Variants in GBE1 observed in about 807,000 individuals in gnomAD.
The protein encoded by GBE1 is 1,4-alpha-glucan-branching enzyme.
A neutral mutation model predicts 88.8 loss-of-function variants in GBE1; 70 were observed. That is an observed-to-expected ratio of 0.79 (90% CI 0.65 to 0.96). The LOEUF is 0.96. GBE1 is among the 40% of genes least tolerant of loss of function. GBE1 has a pLI of 0.00. For synonymous variants in GBE1, 284 were observed against 300.1 expected (o/e 0.95, Z 0.56); for missense variants, 872 against 871.0 (o/e 1.00, Z -0.01).
At chr3:81,569,185 GT>G (rs972525298) in intron 12 of GBE1, among the ~76,000 whole-genome samples, 1 of 151,758 alleles carries the variant, frequency 6.6e-6, no homozygotes, top group Non-Finnish European at 1.5e-5. Flanking sequence ...ATTTTTTAAT[GT>G]TTTTAGTTAT....
chr3:81,660,806 T>G (rs1318394023), intron 3 of GBE1, among the ~76,000 whole-genome samples: 1 of 152,148 alleles, frequency 6.6e-6, no homozygotes, highest in Non-Finnish European at 1.5e-5. Flanking sequence ...ACTGTGATAT[T>G]CAATAAAAGA....
chr3:81,756,081 T>G (rs1214245722), intron 1 of GBE1, among the ~76,000 whole-genome samples: 1 of 152,174 alleles, frequency 6.6e-6, no homozygotes, highest in African/African-American at 2.4e-5. Context: ...CATATAATAT[T>G]TATCATAAAA....
chr3:81,499,696 A>G lies in GBE1; in HGVS notation c.1935-469T>C, dbSNP rs539654272. Among the ~76,000 whole-genome samples the G allele has an allele frequency of 3.9e-5, 6 of 152,314 alleles. No homozygotes were observed. In the South Asian group the frequency reaches 6.2e-4, roughly 16 times the overall value. On this transcript the variant is annotated intron_variant, in intron 14 of 15. Transcript: ENST00000429644. ...ACTAAATACATACAGTCAGTCCTCC[A>G]TATCTGTGGATTTTGCATCTGTGAA...
intron 3 of GBE1, among the ~76,000 whole-genome samples, chr3:81,651,952 T>C (rs557450408): frequency 1.3e-5 from 2 of 152,312 alleles, no homozygotes; most frequent in African/African-American, 4.8e-5. Flanking sequence ...GTGATGGGTG[T>C]TGAATGTTGA....
At chr3:81,684,134 A>T (rs1386355983) in intron 2 of GBE1, among the ~76,000 whole-genome samples, 1 of 152,202 alleles carries the variant, frequency 6.6e-6, no homozygotes, top group East Asian at 1.9e-4. Context: ...AATACACTCC[A>T]AGAGGGAGAG....
Position 81,597,168 on chromosome 3 carries a change from C to T in GBE1, c.993-3145G>A, listed in dbSNP as rs555116863. On this transcript the variant is annotated intron_variant, in intron 7 of 15. Coordinates refer to ENST00000429644, the MANE Select transcript of GBE1 (RefSeq NM_000158.4). ...AAAGTACAATAAAAAAGGCAATTTA[C>T]TTTTTCTACCTCAAAATGGCATCAA... Among the ~76,000 whole-genome samples the T allele has an allele frequency of 9.9e-5, 15 of 151,856 alleles. 1 individual carries two copies. Among genetic ancestry groups the T allele is most frequent in the Middle Eastern group, 3.4e-3 (1 of 294 alleles).
intron 2 of GBE1, among the ~76,000 whole-genome samples, chr3:81,697,860 A>G (rs1293500034): frequency 6.6e-6 from 1 of 151,964 alleles, no homozygotes; most frequent in Non-Finnish European, 1.5e-5. Context: ...AGTCTAACAC[A>G]CGCAGCATTT....
At chr3:81,728,659 G>A (rs1192113511) in intron 1 of GBE1, among the ~76,000 whole-genome samples, 1 of 151,872 alleles carries the variant, frequency 6.6e-6, no homozygotes, top group Non-Finnish European at 1.5e-5. Flanking sequence ...GAGGGGAGAA[G>A]AGAGAGTGAA....
At chr3:81,522,501 G>A (rs1227892606) in intron 14 of GBE1, among the ~76,000 whole-genome samples, 2 of 151,140 alleles carry the variant, frequency 1.3e-5, no homozygotes, top group Admixed American at 6.6e-5. Flanking sequence ...TAGAAGGTGC[G>A]TTGTAAATTA....
intron 14 of GBE1, among the ~76,000 whole-genome samples, chr3:81,528,584 T>C (rs1338712492): frequency 1.3e-5 from 2 of 151,980 alleles, no homozygotes; most frequent in African/African-American, 4.8e-5. Flanking sequence ...GGTATTGAAG[T>C]CTCCAGCTGT....
At chr3:81,563,378 C>A (rs1703446690) in intron 12 of GBE1, among the ~76,000 whole-genome samples, 1 of 152,050 alleles carries the variant, frequency 6.6e-6, no homozygotes. Context: ...AAAACCCATA[C>A]CATGGTACTC....
chr3:81,666,117 T>G (rs1705110764), intron 3 of GBE1, among the ~76,000 whole-genome samples: 3 of 152,068 alleles, frequency 2.0e-5, no homozygotes, highest in Admixed American at 6.6e-5. Context: ...GCATGATATA[T>G]TAGGAGGGGT....
chr3:81,659,478 G>A (rs1704992387), intron 3 of GBE1, among the ~76,000 whole-genome samples: 1 of 150,828 alleles, frequency 6.6e-6, no homozygotes, highest in South Asian at 2.1e-4. Flanking sequence ...TGGGACTACA[G>A]GTGCATGCCA....
chr3:81,734,170 A>C (rs1428717908), intron 1 of GBE1, among the ~76,000 whole-genome samples: 1 of 152,188 alleles, frequency 6.6e-6, no homozygotes, highest in African/African-American at 2.4e-5. Flanking sequence ...ATGTTATGTT[A>C]ACTTTTACAT....
chr3:81,649,121 C>T, intron 4 of GBE1, 130 bp from the exon 5 acceptor site: 1 of 572,642 alleles, frequency 1.7e-6, no homozygotes, highest in Non-Finnish European at 2.9e-6. Context: ...TAAAAGGCAC[C>T]AGCTACACTC....
Position 81,761,551 on chromosome 3 carries a change from A to AG in GBE1, c.-35dup, listed in dbSNP as rs11391701. On this transcript the variant is annotated 5_prime_UTR_variant, in exon 1 of 16. Transcript: ENST00000429644. ...GCAGTCCAAGTAGCCGAGGCCCGAG[A>AG]GGTCGAGTGGGGCCTGAGCGGGCGC... The AG allele has an allele frequency of 1, 1,588,455 of 1,588,468 alleles. 794,221 individuals carry two copies. The highest frequency in any genetic ancestry group is 1 in the Middle Eastern group (4,688 of 4,688).
chr3:81,720,370 A>G (rs1048992746), intron 1 of GBE1, among the ~76,000 whole-genome samples: 4 of 150,504 alleles, frequency 2.7e-5, no homozygotes, highest in African/African-American at 9.8e-5. Context: ...GTGTATATAT[A>G]TATATATATA....
intron 7 of GBE1, among the ~76,000 whole-genome samples, chr3:81,626,481 C>G (rs976755657): frequency 2.6e-5 from 4 of 151,988 alleles, no homozygotes; most frequent in African/African-American, 7.2e-5. Flanking sequence ...AAAGAGGAAG[C>G]CTTGAGCAAG....
intron 1 of GBE1, among the ~76,000 whole-genome samples, chr3:81,756,975 C>T (rs986678427): frequency 6.6e-6 from 1 of 152,128 alleles, no homozygotes; most frequent in Admixed American, 6.5e-5. Flanking sequence ...TCCTACTAAG[C>T]TAAATCTGTC....
Sources: allele counts gnomAD v4.1 joint callset (sites outside exome capture counted in the v4.1 genomes callset), GRCh38; gene constraint gnomAD v4.1.1; transcripts MANE v1.5; gene names NCBI Gene and HGNC (gene_info 2026-07-23, HGNC 2026-07-21).